Variants in TRHDE observed in about 807,000 individuals in gnomAD.
The protein encoded by TRHDE is thyrotropin-releasing hormone-degrading ectoenzyme.
Under a neutral mutation model 125.7 loss-of-function variants are expected in TRHDE, and 72 were observed. The observed-to-expected ratio is 0.57, with a 90% CI of 0.47 to 0.70. The LOEUF (loss-of-function observed/expected upper bound fraction) is 0.70, where lower values mean the gene tolerates loss of function less well. Ranked by LOEUF, TRHDE falls within the 30% of genes least tolerant of loss-of-function variation. The pLI is 0.00. For missense variants in TRHDE, 1,110 were observed against 1,327.1 expected (o/e 0.84, Z 2.54); for synonymous variants, 509 against 509.1 (o/e 1.00, Z 0.00).
At chr12:72,357,598 G>T (rs995590953) in intron 2 of TRHDE, among the ~76,000 whole-genome samples, 1 of 151,412 alleles carries the variant, frequency 6.6e-6, no homozygotes, top group African/African-American at 2.4e-5. Context: ...GTTTCTTTAT[G>T]CATTCATCCA....
In TRHDE at chr12:72,429,398, G is replaced by C. The variant is rs1162227855; in HGVS notation, c.1316-40360G>C. On this transcript the variant is annotated intron_variant, in intron 3 of 18. Coordinates refer to ENST00000261180, the MANE Select transcript of TRHDE (RefSeq NM_013381.3). ...TTTACAGAGAAGGAAATTAAAAAAA[G>C]ATATACCACATTTTATTTATCCATT... is the stretch of plus-strand genomic sequence containing the variant. Among the ~76,000 whole-genome samples, 3 of 150,606 alleles carry C rather than the reference G, an allele frequency of 2.0e-5. 1 individual carries two copies. Among genetic ancestry groups the C allele is most frequent in the African/African-American group, 7.3e-5 (3 of 41,066 alleles).
chr12:72,240,934 T>G (rs1878465907), intron 2 of TRHDE, among the ~76,000 whole-genome samples: 1 of 152,142 alleles, frequency 6.6e-6, no homozygotes, highest in African/African-American at 2.4e-5. Flanking sequence ...CACATCTCGA[T>G]TCAATCTAGA....
chr12:72,410,031 T>G lies in TRHDE; in HGVS notation c.1315+31910T>G, dbSNP rs979794389. Among the ~76,000 whole-genome samples the G allele has an allele frequency of 5.9e-5, 9 of 152,026 alleles. No individual in the cohort carries two copies. In the East Asian group the frequency reaches 1.7e-3, roughly 29 times the overall value. ...AATAATAAAATTTACAAATATCTGTTGAGAATAATCAAGGAATAAGAAAGA... is the reference window on the plus strand; with the variant it reads ...AATAATAAAATTTACAAATATCTGTGGAGAATAATCAAGGAATAAGAAAGA... On this transcript the variant is annotated intron_variant, in intron 3 of 18. Coordinates refer to ENST00000261180, the MANE Select transcript of TRHDE (RefSeq NM_013381.3).
chr12:72,520,453 G>C (rs1879135744), intron 6 of TRHDE, among the ~76,000 whole-genome samples: 1 of 152,152 alleles, frequency 6.6e-6, no homozygotes. Context: ...GGAACTCCCT[G>C]ACCCTTTGCG....
At position 72,261,513 on chromosome 12, in the gene TRHDE, C is replaced by T. The variant is rs534851830; in HGVS notation, n.280-116482C>T. Among the ~76,000 whole-genome samples, 196 of 152,324 alleles carry T rather than the reference C, an allele frequency of 1.3e-3. 3 individuals are homozygous for T. Among genetic ancestry groups the T allele is most frequent in the Admixed American group, 4.0e-3 (61 of 15,284 alleles). On this transcript the variant is annotated intron_variant and non_coding_transcript_variant, in intron 2 of 4. Transcript: ENST00000548156. ...CAATGCTATCTGTGATATTTACCTACTGCAGAATTTTGGCTTTTGAAAATG... is the reference window on the plus strand; with the variant it reads ...CAATGCTATCTGTGATATTTACCTATTGCAGAATTTTGGCTTTTGAAAATG...
intron 15 of TRHDE, among the ~76,000 whole-genome samples, chr12:72,645,465 G>C (rs1301408970): frequency 6.6e-6 from 1 of 152,080 alleles, no homozygotes; most frequent in African/African-American, 2.4e-5. Context: ...CAAAGCTTAA[G>C]GGACTTTTGG....
chr12:72,418,349 A>T (rs1873815101), intron 3 of TRHDE, among the ~76,000 whole-genome samples: 1 of 152,108 alleles, frequency 6.6e-6, no homozygotes, highest in African/African-American at 2.4e-5. Flanking sequence ...CAATTTTTTT[A>T]AGATACATGC....
intron 3 of TRHDE, among the ~76,000 whole-genome samples, chr12:72,442,283 A>T (rs1470000783): frequency 1.3e-5 from 2 of 151,848 alleles, no homozygotes; most frequent in Non-Finnish European, 2.9e-5. Context: ...TAAAATACAA[A>T]GGAGATTTTT....
At chr12:72,463,063 G>T (rs1000924607) in intron 3 of TRHDE, among the ~76,000 whole-genome samples, 1 of 152,136 alleles carries the variant, frequency 6.6e-6, no homozygotes, top group African/African-American at 2.4e-5. Context: ...ATTAATGTAT[G>T]GCACTTTAGA....
chr12:72,112,574 C>T (rs1875342088), intron 2 of TRHDE, among the ~76,000 whole-genome samples: 1 of 152,030 alleles, frequency 6.6e-6, no homozygotes, highest in South Asian at 2.1e-4. Flanking sequence ...GATAATAGCC[C>T]TCATATTTAT....
chr12:72,600,981 G>A (rs1872183222), intron 12 of TRHDE, among the ~76,000 whole-genome samples: 1 of 152,032 alleles, frequency 6.6e-6, no homozygotes, highest in Non-Finnish European at 1.5e-5. Flanking sequence ...TGACTTTTAA[G>A]TCTTATTATT....
chr12:72,562,813 C>A, intron 8 of TRHDE, 40 bp from the exon 9 acceptor site: 2 of 1,299,950 alleles, frequency 1.5e-6, no homozygotes, highest in Non-Finnish European at 2.1e-6. Context: ...GTTGATAATT[C>A]ATGTTTATAA....
chr12:72,088,042 A>T (rs1307941584), intron 1 of TRHDE, among the ~76,000 whole-genome samples: 1 of 152,128 alleles, frequency 6.6e-6, no homozygotes, highest in Non-Finnish European at 1.5e-5. Flanking sequence ...TTATCACTAA[A>T]TTTGGTGGAA....
chr12:72,587,812 A>G (rs1871505984), intron 12 of TRHDE, among the ~76,000 whole-genome samples: 2 of 152,136 alleles, frequency 1.3e-5, no homozygotes, highest in Non-Finnish European at 2.9e-5. Flanking sequence ...CCTACTTCAA[A>G]GATATGGTAA....
intron 2 of TRHDE, among the ~76,000 whole-genome samples, chr12:72,294,774 G>T (rs1298559401): frequency 6.6e-6 from 1 of 152,080 alleles, no homozygotes; most frequent in Non-Finnish European, 1.5e-5. Context: ...GTGCCAAGGG[G>T]TATCTGCAGG....
At chr12:72,184,457 G>A (rs1877160536) in intron 2 of TRHDE, among the ~76,000 whole-genome samples, 1 of 152,122 alleles carries the variant, frequency 6.6e-6, no homozygotes, top group Admixed American at 6.5e-5. Context: ...TTTTAATGGG[G>A]CATCTTGAGG....
chr12:72,575,315 C>T lies in TRHDE; in HGVS notation c.2192C>T (p.Thr731Ile). 1.9e-6 allele frequency: 3 copies of T among 1,613,564 alleles called. No homozygotes were observed. The highest frequency in any genetic ancestry group is 2.5e-6 in the Non-Finnish European group (3 of 1,179,726). The change falls in exon 11 of 19, where the codon ACT (threonine) becomes ATT (isoleucine). Residue 731 changes from threonine (T) to isoleucine (I), a missense_variant. Thr to Ile is a moderately conservative substitution (Grantham distance 89, BLOSUM62 -1). Around this residue, in one of 5 missense-constraint regions of TRHDE, gnomAD observed 527 missense variants for 651.8 expected, o/e 0.81. Transcript: ENST00000261180. Reference sequence around the variant, plus strand: ...TGGCTGCTGGGGAACATCAATCAAACTGGCTATTTTAGAGTCAACTATGAC... The same window carrying T: ...TGGCTGCTGGGGAACATCAATCAAATTGGCTATTTTAGAGTCAACTATGAC... Reference protein sequence around the residue: ...GSWLLGNINQTGYFRVNYDLR... With the variant: ...GSWLLGNINQIGYFRVNYDLR...
intron 2 of TRHDE, among the ~76,000 whole-genome samples, chr12:72,327,387 G>A (rs966476090): frequency 6.6e-6 from 1 of 152,162 alleles, no homozygotes; most frequent in Non-Finnish European, 1.5e-5. Flanking sequence ...GAATGAATGA[G>A]TGAATGTCCT....
intron 6 of TRHDE, among the ~76,000 whole-genome samples, chr12:72,519,681 T>C (rs550009875): frequency 1.1e-4 from 17 of 152,380 alleles, no homozygotes; most frequent in African/African-American, 4.1e-4. Flanking sequence ...ATTCCATTGC[T>C]GGTGAGGAAC....
Sources: gnomAD v4.1 joint callset for allele counts (sites outside exome capture counted in the v4.1 genomes callset) on GRCh38, gnomAD v4.1.1 for gene constraint, gnomAD v4.1.1 regional missense constraint, MANE v1.5 for transcripts, NCBI Gene and HGNC (gene_info 2026-07-23, HGNC 2026-07-21) for gene names.